Variants in LRRFIP1 observed in about 807,000 individuals in gnomAD.
LRRFIP1 encodes the protein leucine-rich repeat flightless-interacting protein 1.
In LRRFIP1, 62 loss-of-function variants were observed where a neutral mutation model predicts 104.4. The observed-to-expected ratio is 0.59, with a 90% CI of 0.48 to 0.73. The LOEUF is 0.73. LRRFIP1 is among the 30% of genes least tolerant of loss of function. LRRFIP1 has a pLI of 0.00. For synonymous variants in LRRFIP1, 300 were observed against 299.0 expected (o/e 1.00, Z -0.03); for missense variants, 796 against 824.5 (o/e 0.97, Z 0.42).
intron 1 of LRRFIP1, among the ~76,000 whole-genome samples, chr2:237,687,315 T>C (rs937651770): frequency 6.6e-6 from 1 of 151,966 alleles, no homozygotes; most frequent in African/African-American, 2.4e-5. Context: ...GTCAAAGGGA[T>C]CCAAATAGGC....
chr2:237,757,649 T>C (rs896600120), intron 17 of LRRFIP1, 101 bp downstream of exon 17: 4 of 754,876 alleles, frequency 5.3e-6, no homozygotes, highest in Non-Finnish European at 9.1e-6. Context: ...TGTCTGAGTA[T>C]GCATGCAACT....
intron 11 of LRRFIP1, among the ~76,000 whole-genome samples, chr2:237,740,120 C>G (rs1176928126): frequency 6.6e-6 from 1 of 152,054 alleles, no homozygotes; most frequent in Non-Finnish European, 1.5e-5. Flanking sequence ...AAATTTCCAG[C>G]CTGAGCTGGG....
intron 1 of LRRFIP1, among the ~76,000 whole-genome samples, chr2:237,693,923 G>C (rs959045872): frequency 6.6e-6 from 1 of 152,184 alleles, no homozygotes; most frequent in East Asian, 1.9e-4. Context: ...AGATGACTTC[G>C]AGATGCTGCC....
intron 14 of LRRFIP1, among the ~76,000 whole-genome samples, chr2:237,752,555 A>G (rs1420597672): frequency 6.6e-6 from 1 of 152,216 alleles, no homozygotes; most frequent in Admixed American, 6.5e-5. Flanking sequence ...CTGAACTGGC[A>G]GCTCTTGCCG....
rs2094402748 is a variant in LRRFIP1 at position 237,717,937 on chromosome 2, A to T, written c.249+128A>T. 2 of 799,432 alleles carry T rather than the reference A, an allele frequency of 2.5e-6. No homozygotes were observed. Among genetic ancestry groups the T allele is most frequent in the East Asian group, 4.9e-5 (2 of 40,888 alleles). 49.5% of individuals were successfully genotyped at this position (799,432 alleles called of 1,614,324 possible). On this transcript the variant is annotated intron_variant, in intron 4 of 23. Coordinates refer to ENST00000308482, the MANE Select transcript of LRRFIP1 (RefSeq NM_001137550.2). This position sits in a 1 kb window ranked among gnomAD's most constrained non-coding sequence, Gnocchi z 4.2. ...GTAGATAGATTCCTATTGCACCATA[A>T]TTTAATACTGAGAGATTTTCTTCCG...
At chr2:237,753,553 T>C in intron 15 of LRRFIP1, 74 bp downstream of exon 15, 1 of 1,322,182 alleles carries the variant, frequency 7.6e-7, no homozygotes, top group South Asian at 1.6e-5. Flanking sequence ...TCTGGTACTT[T>C]GGGAGGCCAA....
At chr2:237,744,186 C>A (rs1279113871) in intron 11 of LRRFIP1, among the ~76,000 whole-genome samples, 1 of 152,210 alleles carries the variant, frequency 6.6e-6, no homozygotes, top group African/African-American at 2.4e-5. Flanking sequence ...CAAAAACCGT[C>A]ACCCTAGTGG....
Position 237,723,489 on chromosome 2 carries a change from T to A in LRRFIP1, c.346-59T>A. The A allele has an allele frequency of 1.3e-6, 2 of 1,562,542 alleles. 1 individual carries two copies. Among genetic ancestry groups the A allele is most frequent in the South Asian group, 2.3e-5 (2 of 88,372 alleles). ...TTTATGTTTTACTTAGCTTTTAAAT[T>A]TACTTTTGGCAACTCTCTTTGCTGT... On this transcript the variant is annotated intron_variant, in intron 6 of 23. Transcript: ENST00000308482.
chr2:237,709,891 C>T (rs921013616), intron 2 of LRRFIP1, among the ~76,000 whole-genome samples: 4 of 150,582 alleles, frequency 2.7e-5, no homozygotes, highest in Admixed American at 1.3e-4. Flanking sequence ...CTTGCTCTAT[C>T]GCCCAGGCTG....
rs2060247976 is a variant in LRRFIP1, at chr2:237,766,256, C to T, written c.1460-3687C>T. 6.6e-6 allele frequency among the ~76,000 whole-genome samples: 1 copy of T among 152,162 alleles called. No homozygotes were observed. Among genetic ancestry groups the T allele is most frequent in the African/African-American group, 2.4e-5 (1 of 41,432 alleles). On this transcript the variant is annotated intron_variant, in intron 19 of 23. Coordinates refer to ENST00000308482, the MANE Select transcript of LRRFIP1 (RefSeq NM_001137550.2). The surrounding 1 kb of genome is among the most constrained non-coding windows in gnomAD (Gnocchi z 4.8). ...GTTTTGAAGAGCAGGATGAAAACGGCAAAAACCTTGACTGTTTCTGCTCAA... is the reference window on the plus strand; with the variant it reads ...GTTTTGAAGAGCAGGATGAAAACGGTAAAAACCTTGACTGTTTCTGCTCAA...
intron 7 of LRRFIP1, among the ~76,000 whole-genome samples, chr2:237,726,621 A>G (rs928369834): frequency 1.3e-5 from 2 of 152,262 alleles, no homozygotes; most frequent in African/African-American, 4.8e-5. Context: ...GTTCAAGTGC[A>G]TTAAATAATT....
chr2:237,728,871 C>G (rs2094883007), intron 8 of LRRFIP1, among the ~76,000 whole-genome samples: 1 of 152,154 alleles, frequency 6.6e-6, no homozygotes, highest in Non-Finnish European at 1.5e-5. Context: ...ACCAGCTGAT[C>G]AAGTTGTTTT....
At chr2:237,681,607 TC>T (rs2091823625) in intron 1 of LRRFIP1, among the ~76,000 whole-genome samples, 1 of 151,104 alleles carries the variant, frequency 6.6e-6, no homozygotes, top group East Asian at 1.9e-4. Flanking sequence ...CCGCAGGTGA[TC>T]TGCCTGCCTC....
chr2:237,755,742 T>G lies in LRRFIP1; in HGVS notation c.1039-353T>G, dbSNP rs987648924. ...TGAGGTCAAGAGTTTGAGACCAGTTTGGCCAACATGGTGAAACCCGATCTC... is the reference window on the plus strand; with the variant it reads ...TGAGGTCAAGAGTTTGAGACCAGTTGGGCCAACATGGTGAAACCCGATCTC... On this transcript the variant is annotated intron_variant, in intron 15 of 23. Transcript: ENST00000308482. Among the ~76,000 whole-genome samples the G allele has an allele frequency of 4.6e-5, 7 of 152,268 alleles. No homozygotes were observed. In the East Asian group the frequency reaches 1.2e-3, roughly 25 times the overall value.
In LRRFIP1 at chr2:237,735,375, T is replaced by C. The variant is rs2095207093; in HGVS notation, c.555+42T>C. ...GATACCTCCTTTCCCCCGTGCCTGC[T>C]GCATGGCCTGGGGATGCTCGCTGGG... is the stretch of plus-strand genomic sequence containing the variant. On this transcript the variant is annotated intron_variant, in intron 10 of 23. Coordinates refer to ENST00000308482, the MANE Select transcript of LRRFIP1 (RefSeq NM_001137550.2). The surrounding 1 kb of genome is among the most constrained non-coding windows in gnomAD (Gnocchi z 4.6). 8 of 1,587,210 alleles carry C rather than the reference T, an allele frequency of 5.0e-6. No homozygotes were observed. Among genetic ancestry groups the C allele is most frequent in the South Asian group, 1.1e-5 (1 of 89,306 alleles).
rs776173020 is a variant in LRRFIP1, at chr2:237,760,186, G to T, written c.1440G>T (p.Ser480=). The part of the protein sequence containing the change: ...MTKEELNALK[S]TGDGTLDIRL... ...AAGAAGAGTTAAATGCCCTCAAGTC[G>T]ACAGGGGATGGGACCCTAGGTAAGT... The change falls in exon 19 of 24, where the codon TCG becomes TCT. Residue 480 remains serine, a synonymous_variant. Transcript: ENST00000308482. 5.6e-6 allele frequency: 9 copies of T among 1,614,116 alleles called. No individual in the cohort carries two copies. The highest frequency in any genetic ancestry group is 2.7e-5 in the African/African-American group (2 of 75,024).
intron 12 of LRRFIP1, 89 bp from the exon 13 acceptor site, chr2:237,749,109 TG>T: frequency 7.2e-7 from 1 of 1,385,010 alleles, no homozygotes; most frequent in Non-Finnish European, 9.8e-7. Flanking sequence ...CCTCATCTTG[TG>T]GGGATTATGG....
rs928510240 is a variant in LRRFIP1 at position 237,750,326 on chromosome 2, C to CTTTTTTTTT, written c.796-857_796-849dup. Among the ~76,000 whole-genome samples the CTTTTTTTTT allele has an allele frequency of 1.5e-3, 90 of 60,704 alleles. 1 individual carries two copies. Among genetic ancestry groups the CTTTTTTTTT allele is most frequent in the East Asian group, 3.7e-3 (7 of 1,912 alleles). 39.8% of individuals were successfully genotyped at this position (60,704 alleles called of 152,430 possible). On this transcript the variant is annotated intron_variant, in intron 13 of 23. Coordinates refer to ENST00000308482, the MANE Select transcript of LRRFIP1 (RefSeq NM_001137550.2). ...CCTTTTTCTTTTCTTTTCTTTCTTT[C>CTTTTTTTTT]TTTTTTTTTTTTTTTTTTTTTTTTT...
Position 237,774,338 on chromosome 2 carries a change from GTTT to G in LRRFIP1, c.1708-14_1708-12del. 1 of 1,471,018 alleles carries G rather than the reference GTTT, an allele frequency of 6.8e-7. No homozygotes were observed. Among genetic ancestry groups the G allele is most frequent in the African/African-American group, 1.4e-5 (1 of 71,350 alleles). 91.1% of individuals were successfully genotyped at this position (1,471,018 alleles called of 1,614,324 possible). ...ACAGGCTTATCAATTTATACATATG[GTTT>G]TTTTTCTACCTTTTAGGTAATAAGG... On this transcript the variant is annotated splice_polypyrimidine_tract_variant and intron_variant, in intron 22 of 23. Transcript: ENST00000308482.
Sources: allele counts gnomAD v4.1 joint callset (sites outside exome capture counted in the v4.1 genomes callset), GRCh38; gene constraint gnomAD v4.1.1; non-coding constraint Gnocchi (gnomAD v3.1); transcripts MANE v1.5; gene names NCBI Gene and HGNC (gene_info 2026-07-23, HGNC 2026-07-21).